Variants in GOLGA4 observed in about 807,000 individuals in gnomAD.
GOLGA4 encodes the protein golgin subfamily A member 4.
GOLGA4 carries 169 observed loss-of-function variants against 265.9 expected under a neutral mutation model. The observed-to-expected ratio is 0.64, with a 90% CI of 0.56 to 0.72. The LOEUF is 0.72. Ranked by LOEUF, GOLGA4 falls within the 30% of genes least tolerant of loss-of-function variation. The pLI is 0.00. For synonymous variants in GOLGA4, 923 were observed against 855.8 expected (o/e 1.08, Z -1.37); for missense variants, 2,482 against 2,483.4 (o/e 1.00, Z 0.01).
At chr3:37,351,284 A>C (rs1164886903) in intron 21 of GOLGA4, among the ~76,000 whole-genome samples, 1 of 152,164 alleles carries the variant, frequency 6.6e-6, no homozygotes, top group East Asian at 1.9e-4. Context: ...AGATTGCAGC[A>C]ATCCAGTCAT....
chr3:37,311,105 A>T (rs1227593209), intron 10 of GOLGA4, among the ~76,000 whole-genome samples: 1 of 152,150 alleles, frequency 6.6e-6, no homozygotes, highest in Non-Finnish European at 1.5e-5. Context: ...AGGTCAGGTG[A>T]GATGTTTCTG....
chr3:37,354,434 T>C (rs2097084603), intron 21 of GOLGA4, among the ~76,000 whole-genome samples: 1 of 152,026 alleles, frequency 6.6e-6, no homozygotes, highest in Non-Finnish European at 1.5e-5. Flanking sequence ...AGTTTCAACC[T>C]TTGAGGAGAA....
intron 20 of GOLGA4, among the ~76,000 whole-genome samples, chr3:37,346,315 T>G (rs190306201): frequency 5.9e-5 from 9 of 152,328 alleles, no homozygotes; most frequent in Middle Eastern, 3.4e-3. Flanking sequence ...TCTCTGTTGT[T>G]TCCCAGTAGT....
At chr3:37,308,717 G>T (rs1203664649) in intron 10 of GOLGA4, among the ~76,000 whole-genome samples, 1 of 151,822 alleles carries the variant, frequency 6.6e-6, no homozygotes, top group Non-Finnish European at 1.5e-5. Context: ...CTGGGTTCAA[G>T]CAATTCTCCT....
intron 4 of GOLGA4, among the ~76,000 whole-genome samples, chr3:37,286,314 C>T (rs1353348231): frequency 1.3e-5 from 2 of 149,970 alleles, no homozygotes; most frequent in Non-Finnish European, 1.5e-5. Flanking sequence ...CCACCGCGCC[C>T]GGCTAATTTT....
chr3:37,294,823 ATAATGT>A (rs566700748), intron 5 of GOLGA4, among the ~76,000 whole-genome samples, 150 bp from the exon 6 acceptor site: 71 of 152,360 alleles, frequency 4.7e-4, no homozygotes, highest in South Asian at 1.0e-3. Flanking sequence ...AATGTTTTAA[ATAATGT>A]TAATGTTTTA....
At chr3:37,263,000 T>C (rs779399392) in intron 2 of GOLGA4, among the ~76,000 whole-genome samples, 23 of 152,222 alleles carry the variant, frequency 1.5e-4, no homozygotes, top group Non-Finnish European at 2.8e-4. Context: ...GACTTCACCT[T>C]CACTCACCAC....
intron 5 of GOLGA4, among the ~76,000 whole-genome samples, chr3:37,289,675 C>T (rs562304894): frequency 2.6e-5 from 4 of 152,174 alleles, no homozygotes; most frequent in East Asian, 1.9e-4. Flanking sequence ...TTTCATAGCA[C>T]TTAGACTGTT....
rs544271814 is a variant in GOLGA4 at position 37,358,660 on chromosome 3, A to G, written c.6664-2583A>G. Among the ~76,000 whole-genome samples, 75 of 152,288 alleles carry G rather than the reference A, an allele frequency of 4.9e-4. No homozygotes were observed. The Middle Eastern group carries it at 0.01, about 21-fold the overall frequency. On this transcript the variant is annotated intron_variant, in intron 22 of 23. Coordinates refer to ENST00000361924, the MANE Select transcript of GOLGA4 (RefSeq NM_002078.5). ...TGATAATGTAGGGATGGTGGTGATA[A>G]TTATTTAGCCTCCTTTTAGCAATGT...
intron 7 of GOLGA4, 108 bp downstream of exon 7, chr3:37,296,327 C>G (rs987407297): frequency 9.2e-7 from 1 of 1,092,136 alleles, no homozygotes; most frequent in Non-Finnish European, 1.3e-6. Flanking sequence ...GGGAGGATCG[C>G]TTGAGTTCAG....
chr3:37,249,995 G>T (rs1300836315), intron 1 of GOLGA4: 1 of 152,186 alleles, frequency 6.6e-6, no homozygotes, highest in Non-Finnish European at 1.5e-5. Context: ...ACTCACTTAT[G>T]ACTCGAAGTC....
At position 37,362,732 on chromosome 3, in the gene GOLGA4, G is replaced by C. The variant is rs1696409772; in HGVS notation, c.*33+1427G>C. Among the ~76,000 whole-genome samples, 6 of 147,382 alleles carry C rather than the reference G, an allele frequency of 4.1e-5. No homozygotes were observed. In the South Asian group the frequency reaches 1.3e-3, roughly 31 times the overall value. On this transcript the variant is annotated intron_variant, in intron 23 of 23. Coordinates refer to ENST00000361924, the MANE Select transcript of GOLGA4 (RefSeq NM_002078.5). ...TTGTAGTGATGGTCTTGCATAGGCT[G>C]GTCTCGAACTCCTGGGCTCAAGCGA...
chr3:37,306,687 C>T (rs891647569), intron 10 of GOLGA4, among the ~76,000 whole-genome samples: 10 of 151,838 alleles, frequency 6.6e-5, no homozygotes, highest in South Asian at 2.1e-4. Flanking sequence ...TGTAATAATA[C>T]GGCACATTCA....
At chr3:37,312,834 A>G (rs750656087) in intron 10 of GOLGA4, among the ~76,000 whole-genome samples, 1 of 152,188 alleles carries the variant, frequency 6.6e-6, no homozygotes, top group South Asian at 2.1e-4. Flanking sequence ...GGCAATAGGA[A>G]TCTTTATAAA....
At chr3:37,310,302 C>T (rs1336164031) in intron 10 of GOLGA4, among the ~76,000 whole-genome samples, 1 of 152,128 alleles carries the variant, frequency 6.6e-6, no homozygotes, top group Non-Finnish European at 1.5e-5. Flanking sequence ...GATTAGGATA[C>T]TCAGGATGAG....
At chr3:37,358,902 T>C (rs2097097343) in intron 22 of GOLGA4, among the ~76,000 whole-genome samples, 1 of 152,164 alleles carries the variant, frequency 6.6e-6, no homozygotes. Flanking sequence ...CTGTATAACT[T>C]AGCGCAAACT....
At chr3:37,297,864 T>C (rs1043403754) in intron 7 of GOLGA4, among the ~76,000 whole-genome samples, 18 of 152,044 alleles carry the variant, frequency 1.2e-4, no homozygotes, top group Admixed American at 3.9e-4. Flanking sequence ...CCACCTCTAC[T>C]AAAAATACAA....
chr3:37,282,020 G>A lies in GOLGA4; in HGVS notation c.225G>A (p.Leu75=). The change falls in exon 3 of 24, where the codon TTG becomes TTA. Residue 75 remains leucine (L), a synonymous_variant. Transcript: ENST00000361924. ...TCCGGGTGCCCTCCGTGGAGTCTTT[G>A]TTTCGAAGTCCGATAAAGGAATCTC... ...LQLRVPSVES[L]FRSPIKESLF... 1.9e-6 allele frequency: 3 copies of A among 1,614,144 alleles called. No homozygotes were observed. The highest frequency in any genetic ancestry group is 2.7e-5 in the African/African-American group (2 of 75,052).
intron 2 of GOLGA4, among the ~76,000 whole-genome samples, chr3:37,257,521 G>C (rs2096752128): frequency 6.6e-6 from 1 of 152,074 alleles, no homozygotes; most frequent in African/African-American, 2.4e-5. Context: ...TACATCTCTA[G>C]TGTGGTACCT....
Sources: gnomAD v4.1 joint callset for allele counts (sites outside exome capture counted in the v4.1 genomes callset) on GRCh38, gnomAD v4.1.1 for gene constraint, MANE v1.5 for transcripts, NCBI Gene and HGNC (gene_info 2026-07-23, HGNC 2026-07-21) for gene names.